MYO1F: variants seen among roughly 807,000 people sequenced by gnomAD.
MYO1F encodes unconventional myosin-If.
In MYO1F, 60 loss-of-function variants were observed where a neutral mutation model predicts 146.6. The observed-to-expected ratio is 0.41, with a 90% CI of 0.33 to 0.51. The LOEUF is 0.51. MYO1F is among the 20% of genes least tolerant of loss of function. The pLI is 0.25. For missense variants in MYO1F, 1,274 were observed against 1,534.3 expected, an observed-to-expected ratio of 0.83 and a Z score of 2.83; for synonymous variants, 602 against 602.1, an observed-to-expected ratio of 1.00 and a Z score of 0.00.
In MYO1F at chr19:8,550,370, G is replaced by A. The variant is rs775887631; in HGVS notation, c.905-14C>T. The A allele has an allele frequency of 6.2e-7, 1 of 1,606,324 alleles. No homozygotes were observed. Among genetic ancestry groups the A allele is most frequent in the Non-Finnish European group, 8.5e-7 (1 of 1,176,492 alleles). Reference sequence around the variant, plus strand: ...GAAAGGCCAGGACTACCAGGGCAAAGGTCAGGGCAAAAATGGGACAGTTGG... The same window carrying A: ...GAAAGGCCAGGACTACCAGGGCAAAAGTCAGGGCAAAAATGGGACAGTTGG... On this transcript the variant is annotated splice_polypyrimidine_tract_variant and intron_variant, in intron 9 of 27. Coordinates refer to ENST00000644032, the MANE Select transcript of MYO1F (RefSeq NM_012335.4).
chr19:8,554,847 G>A, intron 2 of MYO1F, 104 bp from the exon 3 acceptor site: 1 of 1,084,208 alleles, frequency 9.2e-7, no homozygotes, highest in Non-Finnish European at 1.4e-6. Flanking sequence ...TTGCTTGGAG[G>A]TGGAAGAGAT....
At chr19:8,532,210 G>A (rs1309416202) in intron 19 of MYO1F, among the ~76,000 whole-genome samples, 2 of 151,860 alleles carry the variant, frequency 1.3e-5, no homozygotes, top group African/African-American at 4.8e-5. Context: ...GATGTGACTA[G>A]CAACCGTGTG....
chr19:8,547,922 G>C (rs1482944860), intron 12 of MYO1F, 114 bp downstream of exon 12: 29 of 998,670 alleles, frequency 2.9e-5, no homozygotes, highest in Non-Finnish European at 4.0e-5. Flanking sequence ...GCACAGAGAG[G>C]TGGGAACGCG....
Position 8,534,301 on chromosome 19 carries a change from A to ATTTT in MYO1F, c.2043+1947_2043+1950dup, listed in dbSNP as rs1381071764. Among the ~76,000 whole-genome samples the ATTTT allele has an allele frequency of 4.6e-5, 7 of 151,454 alleles. No individual in the cohort carries two copies. The South Asian group carries it at 8.3e-4, about 18-fold the overall frequency. ...ATATAGCACAGTTAAACCGTTGGCT[A>ATTTT]TTTTTCTTTTCTTTTCTTTTCTTTT... On this transcript the variant is annotated intron_variant, in intron 19 of 27. Transcript: ENST00000644032.
intron 25 of MYO1F, among the ~76,000 whole-genome samples, chr19:8,523,198 A>G (rs1359520606): frequency 6.6e-6 from 1 of 151,726 alleles, no homozygotes; most frequent in Non-Finnish European, 1.5e-5. Flanking sequence ...CGCCTGGATA[A>G]TTTTTTAAAT....
At chr19:8,539,414 C>CA (rs564833295) in intron 16 of MYO1F, among the ~76,000 whole-genome samples, 3,195 of 144,572 alleles carry the variant, frequency 0.022, 59 homozygotes, top group African/African-American at 0.053. Flanking sequence ...AACTCCATCT[C>CA]AAAAAAAAAA....
chr19:8,565,064 T>C (rs113971024), intron 1 of MYO1F, among the ~76,000 whole-genome samples: 4,783 of 151,806 alleles, frequency 0.032, 255 homozygotes, highest in African/African-American at 0.11. Flanking sequence ...TGAGCCACTG[T>C]GTCCGGCCAG....
chr19:8,535,351 CA>C (rs1434638326), intron 19 of MYO1F, among the ~76,000 whole-genome samples: 1 of 152,154 alleles, frequency 6.6e-6, no homozygotes, highest in Non-Finnish European at 1.5e-5. Flanking sequence ...CCGTCTTCTC[CA>C]AATCAAAATC....
At chr19:8,555,894 C>T (rs950515691) in intron 1 of MYO1F, 98 bp from the exon 2 acceptor site, 143 of 1,230,648 alleles carry the variant, frequency 1.2e-4, no homozygotes, top group African/African-American at 1.1e-3. Flanking sequence ...CCACCTCCCC[C>T]GCCCCACCTC....
Position 8,530,337 on chromosome 19 carries a change from C to G in MYO1F, c.2187G>C (p.Glu729Asp). 6.2e-7 allele frequency: 1 copy of G among 1,614,186 alleles called. No individual in the cohort carries two copies. The highest frequency in any genetic ancestry group is 8.5e-7 in the Non-Finnish European group (1 of 1,180,030). Residue 729 changes from glutamate (E) to aspartate (D), a missense_variant, in exon 21 of 28, where the codon GAG (glutamate) becomes GAC (aspartate). This residue lies in a region of MYO1F where 900 missense variants were observed against 1,155.1 expected (regional missense o/e 0.78). Transcript: ENST00000644032. The surrounding 1 kb of genome is among the most constrained non-coding windows in gnomAD (Gnocchi z 5.8). ...EASNILLNKK[E>D]RRRNSINRNF... The stretch of plus-strand genomic sequence containing the variant: ...TCCGATTGATGCTGTTGCGCCTCCG[C>G]TCCTTCTTGTTCAGCAGGATGTTGG...
intron 14 of MYO1F, among the ~76,000 whole-genome samples, chr19:8,543,708 CTGGTGG>C (rs1568348543): frequency 0.042 from 891 of 20,972 alleles, 90 homozygotes; most frequent in East Asian, 0.09. Flanking sequence ...GGTGGTGGTG[CTGGTGG>C]TGGTGGTGGT....
chr19:8,575,370 C>T (rs143983212), intron 1 of MYO1F, among the ~76,000 whole-genome samples: 3 of 152,102 alleles, frequency 2.0e-5, no homozygotes, highest in Middle Eastern at 3.4e-3. Flanking sequence ...CCACCGCACC[C>T]GGCCGGGCAT....
chr19:8,544,291 G>T lies in MYO1F; in HGVS notation c.1524+6C>A, dbSNP rs150510779. ...GCACAGGGTAGGGTAGGGGCAGGGG[G>T]CGCACCTTGCCAGCGTAGTGGTGGA... On this transcript the variant is annotated splice_donor_region_variant and intron_variant, in intron 14 of 27. Coordinates refer to ENST00000644032, the MANE Select transcript of MYO1F (RefSeq NM_012335.4). The T allele has an allele frequency of 1.2e-6, 2 of 1,612,740 alleles. No individual in the cohort carries two copies. The highest frequency in any genetic ancestry group is 4.5e-5 in the East Asian group (2 of 44,846).
intron 22 of MYO1F, 24 bp downstream of exon 22, chr19:8,527,314 C>A (rs751671950): frequency 2.5e-6 from 4 of 1,613,514 alleles, no homozygotes; most frequent in Non-Finnish European, 3.4e-6. Context: ...AGTGACTGTG[C>A]GGCAGGTAAG....
At chr19:8,536,222 C>T (rs769241130) in intron 19 of MYO1F, 30 bp downstream of exon 19, 1 of 1,600,682 alleles carries the variant, frequency 6.2e-7, no homozygotes. Flanking sequence ...TTCCCCTCTC[C>T]TTCTCTGCCT....
intron 25 of MYO1F, chr19:8,525,222 A>AT: frequency 8.1e-6 from 2 of 246,018 alleles, no homozygotes; most frequent in Non-Finnish European, 1.6e-5. Context: ...AAAAAAAAAA[A>AT]GATGTAGTTT....
chr19:8,565,273 T>C (rs1012966055), intron 1 of MYO1F, among the ~76,000 whole-genome samples: 6 of 151,996 alleles, frequency 3.9e-5, no homozygotes, highest in Non-Finnish European at 8.8e-5. Flanking sequence ...TTGGGTGCAG[T>C]AGCTCACGCC....
intron 1 of MYO1F, among the ~76,000 whole-genome samples, chr19:8,560,924 A>G (rs1229672671): frequency 1.3e-5 from 2 of 151,930 alleles, no homozygotes; most frequent in Non-Finnish European, 2.9e-5. Flanking sequence ...TTTTTGGTAG[A>G]GACGGGGTTT....
At chr19:8,544,798 C>A (rs1318877587) in intron 13 of MYO1F, among the ~76,000 whole-genome samples, 1 of 152,006 alleles carries the variant, frequency 6.6e-6, no homozygotes, top group South Asian at 2.1e-4. Flanking sequence ...TATTTAGAGA[C>A]GGAGTCTTGC....
Sources: gnomAD v4.1 joint callset for allele counts (sites outside exome capture counted in the v4.1 genomes callset) on GRCh38, gnomAD v4.1.1 for gene constraint, gnomAD v4.1.1 regional missense constraint, Gnocchi (gnomAD v3.1) non-coding constraint, MANE v1.5 for transcripts, NCBI Gene and HGNC (gene_info 2026-07-23, HGNC 2026-07-21) for gene names.